NRXN3: variants seen among roughly 807,000 people sequenced by gnomAD.
NRXN3 encodes neurexin III.
NRXN3 carries 32 observed loss-of-function variants against 137.6 expected under a neutral mutation model. The observed-to-expected ratio is 0.23, with a 90% confidence interval of 0.18 to 0.31. The LOEUF (loss-of-function observed/expected upper bound fraction) is 0.31, where lower values mean the gene tolerates loss of function less well. Among genes scored for constraint, NRXN3 ranks in the 10% least tolerant of loss-of-function variants. NRXN3 has a pLI of 1.00. For missense variants in NRXN3, 1,574 were observed against 2,062.5 expected, an observed-to-expected ratio of 0.76 and a Z score of 4.59; for synonymous variants, 798 against 784.5, an observed-to-expected ratio of 1.02 and a Z score of -0.29.
chr14:79,236,322 T>C (rs1395091098), intron 15 of NRXN3, among the ~76,000 whole-genome samples: 1 of 152,084 alleles, frequency 6.6e-6, no homozygotes, highest in Non-Finnish European at 1.5e-5. Context: ...TATATATATA[T>C]GTATGTGTAT....
At chr14:79,703,331 C>A (rs966326011) in intron 19 of NRXN3, among the ~76,000 whole-genome samples, 1 of 152,078 alleles carries the variant, frequency 6.6e-6, no homozygotes, top group Non-Finnish European at 1.5e-5. Flanking sequence ...CTGATGATTA[C>A]AAAACAAAGA....
At chr14:78,382,662 C>A (rs1199869310) in intron 4 of NRXN3, among the ~76,000 whole-genome samples, 1 of 152,184 alleles carries the variant, frequency 6.6e-6, no homozygotes, top group Non-Finnish European at 1.5e-5. Context: ...CCTTGCAGAT[C>A]CCGCTATCCA....
At chr14:78,303,846 T>C (rs1371871808) in intron 4 of NRXN3, among the ~76,000 whole-genome samples, 1 of 152,244 alleles carries the variant, frequency 6.6e-6, no homozygotes, top group East Asian at 1.9e-4. Context: ...GAGTCACGTT[T>C]ACTCATGTAT....
At chr14:78,595,681 T>A (rs1297921545) in intron 4 of NRXN3, among the ~76,000 whole-genome samples, 1 of 152,172 alleles carries the variant, frequency 6.6e-6, no homozygotes, top group Non-Finnish European at 1.5e-5. Flanking sequence ...GATGCTATAA[T>A]TTGCATTTGA....
rs531499902 is a variant in NRXN3, at chr14:78,547,158, A to G, written c.758-97962A>G. Among the ~76,000 whole-genome samples, 25 of 151,996 alleles carry G rather than the reference A, an allele frequency of 1.6e-4. No homozygotes were observed. In the South Asian group the frequency reaches 4.4e-3, roughly 27 times the overall value. On this transcript the variant is annotated intron_variant, in intron 4 of 20. Transcript: ENST00000335750. ...TTGTTGAGTTGATGATCATGGTCGT[A>G]TAATGTCTGATATCTATGAAGTCCA...
At chr14:78,607,465 G>C (rs969250329) in intron 4 of NRXN3, among the ~76,000 whole-genome samples, 3 of 152,094 alleles carry the variant, frequency 2.0e-5, no homozygotes, top group African/African-American at 7.2e-5. Flanking sequence ...ACCTCCTTTG[G>C]CTCAGTCCTC....
intron 2 of NRXN3, among the ~76,000 whole-genome samples, chr14:78,273,692 G>A (rs1428561752): frequency 6.6e-6 from 1 of 152,188 alleles, no homozygotes; most frequent in Non-Finnish European, 1.5e-5. Flanking sequence ...ACATATGTGT[G>A]TATCAACTTT....
At chr14:78,937,499 C>T (rs1014477053) in intron 10 of NRXN3, among the ~76,000 whole-genome samples, 24 of 152,150 alleles carry the variant, frequency 1.6e-4, no homozygotes, top group Non-Finnish European at 2.9e-4. Context: ...GTAAATTACC[C>T]TTCTTAATTG....
intron 15 of NRXN3, among the ~76,000 whole-genome samples, chr14:79,431,744 C>G (rs1276276362): frequency 6.6e-6 from 1 of 152,006 alleles, no homozygotes; most frequent in Admixed American, 6.6e-5. Context: ...TTAAAATGAA[C>G]CTGCCTTACT....
At chr14:79,437,672 G>GC (rs2095866053) in intron 15 of NRXN3, among the ~76,000 whole-genome samples, 1 of 152,178 alleles carries the variant, frequency 6.6e-6, no homozygotes, top group Non-Finnish European at 1.5e-5. Flanking sequence ...TAATCCTGAA[G>GC]CAGGCAATCT....
intron 15 of NRXN3, among the ~76,000 whole-genome samples, chr14:79,135,707 T>A (rs562097855): frequency 6.6e-6 from 1 of 152,380 alleles, no homozygotes; most frequent in African/African-American, 2.4e-5. Flanking sequence ...AAGATCTGAA[T>A]AATAATCAGT....
At chr14:78,507,299 A>G (rs985245227) in intron 4 of NRXN3, among the ~76,000 whole-genome samples, 1 of 152,236 alleles carries the variant, frequency 6.6e-6, no homozygotes, top group Non-Finnish European at 1.5e-5. Flanking sequence ...CACACAGCCT[A>G]CATGTGGTTA....
chr14:78,534,868 T>C (rs1236491950), intron 4 of NRXN3, among the ~76,000 whole-genome samples: 2 of 152,204 alleles, frequency 1.3e-5, no homozygotes, highest in East Asian at 1.9e-4. Flanking sequence ...TTTTTTGCAA[T>C]AGGCAATTAT....
intron 4 of NRXN3, among the ~76,000 whole-genome samples, chr14:78,590,365 G>A (rs2097105722): frequency 6.6e-6 from 1 of 152,172 alleles, no homozygotes; most frequent in Non-Finnish European, 1.5e-5. Context: ...CCCAGTAAAT[G>A]ACTTGAGAGA....
intron 4 of NRXN3, among the ~76,000 whole-genome samples, chr14:78,494,426 G>GTTTTTTTTTTTTTT (rs1047418197): frequency 7.4e-6 from 1 of 134,982 alleles, no homozygotes; most frequent in African/African-American, 2.9e-5. Context: ...GAGGTGTTTT[G>GTTTTTTTTTTTTTT]TTTTTTTTTT....
At chr14:79,111,901 T>A (rs1020567499) in intron 15 of NRXN3, among the ~76,000 whole-genome samples, 1 of 152,144 alleles carries the variant, frequency 6.6e-6, no homozygotes, top group African/African-American at 2.4e-5. Context: ...CAAATACTAA[T>A]AAGTTAATCT....
intron 15 of NRXN3, among the ~76,000 whole-genome samples, chr14:79,395,431 G>A (rs1242075110): frequency 6.6e-6 from 1 of 152,100 alleles, no homozygotes; most frequent in Non-Finnish European, 1.5e-5. Flanking sequence ...GAGATTTTGA[G>A]TTTGATATAC....
At chr14:79,474,777 A>G (rs2096544929) in intron 16 of NRXN3, among the ~76,000 whole-genome samples, 1 of 152,090 alleles carries the variant, frequency 6.6e-6, no homozygotes, top group Non-Finnish European at 1.5e-5. Context: ...GGGAAATGGG[A>G]ATATGCCACT....
intron 1 of NRXN3, among the ~76,000 whole-genome samples, chr14:78,239,825 A>AG (rs1452109456): frequency 6.6e-6 from 1 of 152,076 alleles, no homozygotes; most frequent in African/African-American, 2.4e-5. Context: ...TCCCTGCCTC[A>AG]GCCTCTCGAG....
Sources: allele counts gnomAD v4.1 joint callset (sites outside exome capture counted in the v4.1 genomes callset), GRCh38; gene constraint gnomAD v4.1.1; transcripts MANE v1.5; gene names NCBI Gene and HGNC (gene_info 2026-07-23, HGNC 2026-07-21).